Variants in JAM2 observed in about 807,000 individuals in gnomAD.
The protein encoded by JAM2 is junctional adhesion molecule 2.
In JAM2, 17 loss-of-function variants were observed where a neutral mutation model predicts 42.0. The ratio of observed to expected loss-of-function variants is 0.40; its 90% CI spans 0.28 to 0.61. The LOEUF is 0.61. Ranked by LOEUF, JAM2 falls within the 20% of genes least tolerant of loss-of-function variation. The probability of loss-of-function intolerance (pLI) is 0.37; values close to 1 mark genes in which losing one functional copy is unlikely to be tolerated. For missense variants in JAM2, 319 were observed against 358.3 expected (o/e 0.89, Z 0.89); for synonymous variants, 118 against 128.6 (o/e 0.92, Z 0.56).
In JAM2 at chr21:25,716,863, C is replaced by A. The variant is rs1008446045; in HGVS notation, c.*2191C>A. ...ATTTCTTTGGTTTGAGGAATGCTTT[C>A]CTCTTGCATTGGCATGCCAAGAGGA... On this transcript the variant is annotated 3_prime_UTR_variant, in exon 10 of 10. Transcript: ENST00000480456. 6 of 152,202 alleles carry A rather than the reference C, an allele frequency of 3.9e-5. No individual in the cohort carries two copies. Among genetic ancestry groups the A allele is most frequent in the Non-Finnish European group, 7.3e-5 (5 of 68,038 alleles). The allele number at this position is 152,202 out of a possible 1,614,324, so 9.4% of individuals were successfully genotyped here.
intron 1 of JAM2, among the ~76,000 whole-genome samples, chr21:25,670,954 C>A (rs1299849773): frequency 6.6e-6 from 1 of 152,116 alleles, no homozygotes; most frequent in African/African-American, 2.4e-5. Context: ...TTTCAAATTT[C>A]TTCTGTAAGC....
At chr21:25,665,389 A>G (rs1053882694) in intron 1 of JAM2, among the ~76,000 whole-genome samples, 28 of 152,236 alleles carry the variant, frequency 1.8e-4, no homozygotes, top group African/African-American at 6.8e-4. Flanking sequence ...CTCCTAAGGT[A>G]CAATGCTCAC....
At chr21:25,705,868 G>A (rs879645109) in intron 6 of JAM2, 111 bp from the exon 7 acceptor site, 1 of 709,348 alleles carries the variant, frequency 1.4e-6, no homozygotes, top group Non-Finnish European at 2.5e-6. Flanking sequence ...GTTAAAGTAT[G>A]CTTTATGATA....
At chr21:25,660,317 G>A (rs1188926469) in intron 1 of JAM2, among the ~76,000 whole-genome samples, 1 of 152,130 alleles carries the variant, frequency 6.6e-6, no homozygotes, top group Non-Finnish European at 1.5e-5. Flanking sequence ...GTCACATTAC[G>A]TTAGCTGTAT....
chr21:25,645,449 G>A (rs565035661), intron 1 of JAM2, among the ~76,000 whole-genome samples: 58 of 152,140 alleles, frequency 3.8e-4, no homozygotes, highest in Non-Finnish European at 6.9e-4. Flanking sequence ...AGTTTGATTT[G>A]CATTTTAAAG....
At position 25,714,688 on chromosome 21, in the gene JAM2, G is replaced by C; in HGVS notation, c.*16G>C. On this transcript the variant is annotated 3_prime_UTR_variant, in exon 10 of 10. Coordinates refer to ENST00000480456, the MANE Select transcript of JAM2 (RefSeq NM_021219.4). ...TATAATTTAAAGACTCCACTTTAGA[G>C]ATACACCAAAGCCACCGTTGTTACA... The C allele has an allele frequency of 6.7e-7, 1 of 1,485,354 alleles. No homozygotes were observed. Among genetic ancestry groups the C allele is most frequent in the Non-Finnish European group, 9.0e-7 (1 of 1,108,918 alleles). The allele number at this position is 1,485,354 out of a possible 1,614,324, so 92.0% of individuals were successfully genotyped here.
At chr21:25,699,933 A>C (rs1200108694) in intron 5 of JAM2, among the ~76,000 whole-genome samples, 1 of 152,026 alleles carries the variant, frequency 6.6e-6, no homozygotes, top group Non-Finnish European at 1.5e-5. Flanking sequence ...ACCATGTGAA[A>C]ATAGTAACTG....
chr21:25,678,783 T>C (rs1349663991), intron 1 of JAM2, among the ~76,000 whole-genome samples: 2 of 152,206 alleles, frequency 1.3e-5, no homozygotes, highest in African/African-American at 4.8e-5. Flanking sequence ...ATCTAGTAAT[T>C]TGTGTCCCAC....
At position 25,715,985 on chromosome 21, in the gene JAM2, C is replaced by CTTTTTTTTTT. The variant is rs778687865; in HGVS notation, c.*1323_*1332dup. ...ATGAACATGATGGTTAATCTTCTTT[C>CTTTTTTTTTT]TTTTTTTTTTTTTTTTTTTGAGACG... On this transcript the variant is annotated 3_prime_UTR_variant, in exon 10 of 10. Coordinates refer to ENST00000480456, the MANE Select transcript of JAM2 (RefSeq NM_021219.4). 1.7e-5 allele frequency: 2 copies of CTTTTTTTTTT among 117,256 alleles called. No homozygotes were observed. The highest frequency in any genetic ancestry group is 3.3e-5 in the African/African-American group (1 of 30,410). The allele number at this position is 117,256 out of a possible 1,614,324, so 7.3% of individuals were successfully genotyped here.
intron 1 of JAM2, among the ~76,000 whole-genome samples, chr21:25,655,163 T>G (rs796306049): frequency 6.6e-5 from 10 of 152,300 alleles, no homozygotes; most frequent in African/African-American, 2.4e-4. Flanking sequence ...TGCTTTAATA[T>G]TCTTCAATAA....
chr21:25,654,542 G>A (rs960361945), intron 1 of JAM2, among the ~76,000 whole-genome samples: 2 of 151,686 alleles, frequency 1.3e-5, no homozygotes, highest in African/African-American at 4.8e-5. Flanking sequence ...CAACTACTTG[G>A]GAGGCTGAGA....
At chr21:25,714,278 G>A (rs187837549) in intron 9 of JAM2, 167 of 1,213,902 alleles carry the variant, frequency 1.4e-4, no homozygotes, top group Non-Finnish European at 1.7e-4. Context: ...AGGCCGCGGC[G>A]GGCGGATCAC....
intron 1 of JAM2, among the ~76,000 whole-genome samples, chr21:25,651,947 A>G (rs183356143): frequency 5.3e-4 from 81 of 152,400 alleles, no homozygotes; most frequent in African/African-American, 1.9e-3. Flanking sequence ...ACTATTAACA[A>G]TAGGTAGAAC....
intron 1 of JAM2, among the ~76,000 whole-genome samples, chr21:25,670,386 G>A (rs563595292): frequency 2.0e-5 from 3 of 152,116 alleles, no homozygotes; most frequent in South Asian, 4.2e-4. Flanking sequence ...CAGGATTGCT[G>A]AGGTGCAGTG....
At chr21:25,680,107 C>T (rs2033593797) in intron 1 of JAM2, among the ~76,000 whole-genome samples, 1 of 152,206 alleles carries the variant, frequency 6.6e-6, no homozygotes, top group Non-Finnish European at 1.5e-5. Flanking sequence ...TATCCTTTCT[C>T]AAGGGTCCAT....
In JAM2 at chr21:25,716,739, T is replaced by C. The variant is rs1601076956; in HGVS notation, c.*2067T>C. ...ACAGACAAGATTTGGCCCACAGGCA[T>C]AGATTCCCAACTCATGGTGGTGAAG... On this transcript the variant is annotated 3_prime_UTR_variant, in exon 10 of 10. Coordinates refer to ENST00000480456, the MANE Select transcript of JAM2 (RefSeq NM_021219.4). The C allele has an allele frequency of 6.6e-6, 1 of 152,206 alleles. No individual in the cohort carries two copies. The highest frequency in any genetic ancestry group is 2.1e-4 in the South Asian group (1 of 4,836). 9.4% of individuals were successfully genotyped at this position (152,206 alleles called of 1,614,324 possible).
At chr21:25,690,940 T>A (rs577928267) in intron 3 of JAM2, among the ~76,000 whole-genome samples, 32 of 152,342 alleles carry the variant, frequency 2.1e-4, no homozygotes, top group African/African-American at 7.7e-4. Context: ...TGAACTGTTA[T>A]AATGTCCATT....
intron 1 of JAM2, among the ~76,000 whole-genome samples, chr21:25,653,151 G>T (rs377561538): frequency 7.2e-5 from 11 of 152,170 alleles, no homozygotes; most frequent in African/African-American, 2.2e-4. Context: ...GAACTGGGAT[G>T]GAGAATTGTG....
chr21:25,674,475 C>G (rs144747555), intron 1 of JAM2, among the ~76,000 whole-genome samples: 223 of 152,214 alleles, frequency 1.5e-3, no homozygotes, highest in African/African-American at 5.1e-3. Context: ...ATATATCTGT[C>G]AAATGAGGAT....
Sources: allele counts gnomAD v4.1 joint callset (sites outside exome capture counted in the v4.1 genomes callset), GRCh38; gene constraint gnomAD v4.1.1; transcripts MANE v1.5; gene names NCBI Gene and HGNC (gene_info 2026-07-23, HGNC 2026-07-21).